The following BRDT variants were observed in gnomAD, a reference collection of about 807,000 sequenced individuals.
The protein encoded by BRDT is bromodomain testis-specific protein.
In BRDT, 77 loss-of-function variants were observed where a neutral mutation model predicts 113.9. That is an observed-to-expected ratio of 0.68 (90% CI 0.56 to 0.82). The LOEUF is 0.82. Ranked by LOEUF, BRDT falls within the 40% of genes least tolerant of loss-of-function variation. The pLI, the probability that BRDT is intolerant of heterozygous loss-of-function variation, is 0.00. For synonymous variants in BRDT, 358 were observed against 366.5 expected, an observed-to-expected ratio of 0.98 and a Z score of 0.26; for missense variants, 1,027 against 1,105.4, an observed-to-expected ratio of 0.93 and a Z score of 1.01.
chr1:91,974,661 G>C (rs1473476562), intron 4 of BRDT, among the ~76,000 whole-genome samples: 2 of 152,122 alleles, frequency 1.3e-5, no homozygotes, highest in Non-Finnish European at 1.5e-5. Flanking sequence ...TGGAGAAATA[G>C]GAACACTTTT....
At chr1:91,993,975 T>C in intron 14 of BRDT, 108 bp from the exon 15 acceptor site, 1 of 925,514 alleles carries the variant, frequency 1.1e-6, no homozygotes, top group South Asian at 2.5e-5. Context: ...ATAAGGTATT[T>C]TAAAAAGGTA....
chr1:91,965,843 C>A (rs1250782257), intron 3 of BRDT, among the ~76,000 whole-genome samples: 1 of 148,758 alleles, frequency 6.7e-6, no homozygotes, highest in African/African-American at 2.5e-5. Context: ...AAGACACCTT[C>A]TCAAAAAAAA....
chr1:91,995,391 C>A (rs192050728), intron 15 of BRDT, among the ~76,000 whole-genome samples: 1 of 150,314 alleles, frequency 6.7e-6, no homozygotes, highest in Admixed American at 6.6e-5. Context: ...AGTTTAAAAT[C>A]TCCCTACTAT....
At chr1:91,963,121 C>T (rs1366140280) in intron 2 of BRDT, among the ~76,000 whole-genome samples, 175 bp downstream of exon 2, 3 of 152,100 alleles carry the variant, frequency 2.0e-5, no homozygotes, top group Non-Finnish European at 1.5e-5. Context: ...GTCGGGAGTT[C>T]GAGACCAGCC....
At chr1:91,959,781 C>A (rs922370983) in intron 1 of BRDT, among the ~76,000 whole-genome samples, 6 of 152,156 alleles carry the variant, frequency 3.9e-5, no homozygotes, top group African/African-American at 1.4e-4. Context: ...CAGCACCCAG[C>A]CTATGACTTT....
At chr1:92,012,912 G>GAAA (rs35560801) in intron 18 of BRDT, among the ~76,000 whole-genome samples, 2 of 130,232 alleles carry the variant, frequency 1.5e-5, no homozygotes, top group African/African-American at 5.9e-5. Flanking sequence ...TCTGTCACAA[G>GAAA]AAAAAAAAAA....
At chr1:91,954,304 A>C (rs749462209) in intron 1 of BRDT, among the ~76,000 whole-genome samples, 11 of 114,360 alleles carry the variant, frequency 9.6e-5, no homozygotes, top group Non-Finnish European at 1.3e-4. Flanking sequence ...TTTTGAGGCA[A>C]GTTCTCACTC....
chr1:91,964,537 G>T, intron 2 of BRDT, 90 bp from the exon 3 acceptor site: 1 of 779,192 alleles, frequency 1.3e-6, no homozygotes. Flanking sequence ...CTCTCTAGTT[G>T]CAGGTGTATA....
intron 15 of BRDT, among the ~76,000 whole-genome samples, chr1:91,998,367 G>A (rs11165936): frequency 0.011 from 1,716 of 152,212 alleles, 41 homozygotes; most frequent in African/African-American, 0.039. Flanking sequence ...GGGATGGGGG[G>A]CTAGCAGAGG....
intron 9 of BRDT, 31 bp from the exon 10 acceptor site, chr1:91,980,858 T>A: frequency 6.3e-7 from 1 of 1,592,380 alleles, no homozygotes. Flanking sequence ...ACAATAACGA[T>A]AAGTTGGACT....
chr1:92,002,013 T>C lies in BRDT; in HGVS notation c.2288-36T>C, dbSNP rs754680718. On this transcript the variant is annotated intron_variant, in intron 15 of 18. Coordinates refer to ENST00000399546, the MANE Select transcript of BRDT (RefSeq NM_207189.4). ...AATTCTGGGTAAGTAGGATGAAATA[T>C]TTTAATTATACTATTCTAAAAATGT... is the stretch of plus-strand genomic sequence containing the variant. 2.1e-6 allele frequency: 3 copies of C among 1,442,036 alleles called. No homozygotes were observed. In the South Asian group the frequency reaches 3.6e-5, roughly 18 times the overall value. The allele number at this position is 1,442,036 out of a possible 1,614,324, so 89.3% of individuals were successfully genotyped here. A position where few individuals can be genotyped will look rare whatever the true frequency, so the allele number is the denominator to read the frequency against.
intron 1 of BRDT, among the ~76,000 whole-genome samples, chr1:91,958,524 A>C (rs1004565865): frequency 6.6e-6 from 1 of 152,076 alleles, no homozygotes; most frequent in Non-Finnish European, 1.5e-5. Context: ...CCGATAGCTC[A>C]TTTCTTTTTA....
In BRDT at chr1:92,014,241, C is replaced by G; in HGVS notation, c.2811C>G (p.Asp937Glu). ...CCATTGATATGACCCTTCAAAGTGA[C>G]ATTATGACAATGTTTGAAAACAACT... is the stretch of plus-strand genomic sequence containing the variant. ...VGTIDMTLQSDIMTMFENNFD is the reference protein window; with the variant it reads ...VGTIDMTLQSEIMTMFENNFD The change falls in exon 19 of 19, where the codon GAC becomes GAG. Residue 937 changes from aspartate (D) to glutamate (E), a missense_variant. Transcript: ENST00000399546. 1 of 1,591,354 alleles carries G rather than the reference C, an allele frequency of 6.3e-7. No homozygotes were observed. Among genetic ancestry groups the G allele is most frequent in the South Asian group, 1.2e-5 (1 of 85,486 alleles).
chr1:91,966,148 T>C (rs1372759462), intron 3 of BRDT, among the ~76,000 whole-genome samples: 2 of 152,176 alleles, frequency 1.3e-5, no homozygotes, highest in African/African-American at 4.8e-5. Context: ...ATTGGATTTG[T>C]GTATTTGGTT....
At chr1:91,984,637 TAA>T (rs940879570) in intron 12 of BRDT, among the ~76,000 whole-genome samples, 3 of 152,014 alleles carry the variant, frequency 2.0e-5, no homozygotes, top group African/African-American at 7.2e-5. Flanking sequence ...AAAAAATAAT[TAA>T]AAAAAATTTT....
intron 18 of BRDT, among the ~76,000 whole-genome samples, chr1:92,007,828 A>C (rs1045022987): frequency 1.3e-5 from 2 of 152,200 alleles, no homozygotes; most frequent in African/African-American, 2.4e-5. Context: ...TTTTAAATAA[A>C]GAATCTTATA....
At chr1:91,979,348 C>T (rs970788043) in intron 7 of BRDT, among the ~76,000 whole-genome samples, 10 of 151,802 alleles carry the variant, frequency 6.6e-5, no homozygotes, top group African/African-American at 1.9e-4. Flanking sequence ...CCCCCATCTC[C>T]GGTGATCCAC....
At chr1:91,968,626 A>G (rs1445498284) in intron 4 of BRDT, among the ~76,000 whole-genome samples, 2 of 152,138 alleles carry the variant, frequency 1.3e-5, no homozygotes, top group Non-Finnish European at 2.9e-5. Flanking sequence ...AAAAATTTCC[A>G]TAGCTGAGAA....
intron 11 of BRDT, 81 bp downstream of exon 11, chr1:91,981,462 C>A: frequency 6.7e-7 from 1 of 1,502,842 alleles, no homozygotes; most frequent in South Asian, 1.2e-5. Flanking sequence ...CCAGGCTGGT[C>A]TTGAACTCCT....
Sources: gnomAD v4.1 joint callset for allele counts (sites outside exome capture counted in the v4.1 genomes callset) on GRCh38, gnomAD v4.1.1 for gene constraint, MANE v1.5 for transcripts, NCBI Gene and HGNC (gene_info 2026-07-23, HGNC 2026-07-21) for gene names.